The following HTRA1 variants were observed in gnomAD, a reference collection of about 807,000 sequenced individuals.
HTRA1 encodes HtrA serine peptidase 1.
A neutral mutation model predicts 49.7 loss-of-function variants in HTRA1; 26 were observed. The ratio of observed to expected loss-of-function variants is 0.52; its 90% CI spans 0.38 to 0.73. HTRA1 has a LOEUF of 0.73. Among genes scored for constraint, HTRA1 ranks in the 30% least tolerant of loss-of-function variants. The probability of loss-of-function intolerance (pLI) is 0.00; values close to 1 mark genes in which losing one functional copy is unlikely to be tolerated. For missense variants in HTRA1, 561 were observed against 667.2 expected (o/e 0.84, Z 1.75); for synonymous variants, 291 against 286.9 (o/e 1.01, Z -0.14).
rs775165568 is a variant in HTRA1, at chr10:122,489,478, C to T, written c.629C>T (p.Ser210Leu). ...PVASGSGFIV[S>L]EDGLIVTNAH... Reference sequence around the variant, plus strand: ...GCTAGTGGGTCTGGGTTTATTGTGTCGGAAGATGGACTGATCGTGACAAAT... The same window carrying T: ...GCTAGTGGGTCTGGGTTTATTGTGTTGGAAGATGGACTGATCGTGACAAAT... The change falls in exon 3 of 9, where the codon TCG becomes TTG. Residue 210 changes from serine to leucine, a missense_variant. Ser to Leu is a moderately radical substitution (Grantham distance 145). This residue lies in a region of HTRA1 where 271 missense variants were observed against 410.0 expected (regional missense o/e 0.66). Coordinates refer to ENST00000368984, the MANE Select transcript of HTRA1 (RefSeq NM_002775.5). 5.0e-6 allele frequency: 8 copies of T among 1,614,094 alleles called. No homozygotes were observed. The South Asian group carries it at 5.5e-5, about 11-fold the overall frequency.
intron 8 of HTRA1, among the ~76,000 whole-genome samples, chr10:122,513,266 A>G (rs1342076521): frequency 6.6e-6 from 1 of 152,156 alleles, no homozygotes; most frequent in East Asian, 1.9e-4. Context: ...TAACAGAAAC[A>G]TTCCGCCCAC....
At chr10:122,478,583 AG>A (rs1436734550) in intron 1 of HTRA1, among the ~76,000 whole-genome samples, 3 of 151,960 alleles carry the variant, frequency 2.0e-5, no homozygotes, top group African/African-American at 7.2e-5. Flanking sequence ...TAGTAGAGAC[AG>A]GGTTTCACCG....
chr10:122,510,022 C>G, intron 6 of HTRA1, 74 bp from the exon 7 acceptor site: 1 of 1,305,680 alleles, frequency 7.7e-7, no homozygotes, highest in South Asian at 1.2e-5. Context: ...GGGGATTGGG[C>G]CCCCGGCCCC....
At chr10:122,499,282 G>A (rs1591037006) in intron 3 of HTRA1, among the ~76,000 whole-genome samples, 1 of 152,260 alleles carries the variant, frequency 6.6e-6, no homozygotes, top group East Asian at 1.9e-4. Flanking sequence ...AAGTCGTGAG[G>A]CCTCCAGTGT....
chr10:122,496,080 C>A (rs776391930), intron 3 of HTRA1, among the ~76,000 whole-genome samples: 7 of 152,068 alleles, frequency 4.6e-5, no homozygotes, highest in African/African-American at 7.2e-5. Context: ...CAGTGGCAGG[C>A]AATTAACACC....
chr10:122,495,935 CACTT>C (rs1478537450), intron 3 of HTRA1, among the ~76,000 whole-genome samples: 1 of 152,172 alleles, frequency 6.6e-6, no homozygotes, highest in African/African-American at 2.4e-5. Flanking sequence ...TGGTCATGCT[CACTT>C]ATTTAGGTAG....
rs1006159707 is a variant in HTRA1 at position 122,487,848 on chromosome 10, A to G, written c.473-1054A>G. Among the ~76,000 whole-genome samples the G allele has an allele frequency of 2.0e-5, 3 of 152,224 alleles. No individual in the cohort carries two copies. The highest frequency in any genetic ancestry group is 2.1e-4 in the South Asian group (1 of 4,828). Reference sequence around the variant, plus strand: ...GTGTATTCAAACATAGAAAAGGTATAGTAAAAACAATGGTGTTATGGTCCG... The same window carrying G: ...GTGTATTCAAACATAGAAAAGGTATGGTAAAAACAATGGTGTTATGGTCCG... On this transcript the variant is annotated intron_variant, in intron 1 of 8. Coordinates refer to ENST00000368984, the MANE Select transcript of HTRA1 (RefSeq NM_002775.5). The surrounding 1 kb of genome is among the most constrained non-coding windows in gnomAD (Gnocchi z 4.8).
At chr10:122,488,849 A>T in intron 1 of HTRA1, 53 bp from the exon 2 acceptor site, 1 of 1,362,610 alleles carries the variant, frequency 7.3e-7, no homozygotes, top group Non-Finnish European at 1.1e-6. Context: ...GTCTTTCTCT[A>T]GGTGGCCACA....
chr10:122,492,914 G>C (rs2097496620), intron 3 of HTRA1, among the ~76,000 whole-genome samples: 1 of 152,144 alleles, frequency 6.6e-6, no homozygotes, highest in Non-Finnish European at 1.5e-5. Flanking sequence ...TGAAGCTGCT[G>C]TAGCCCCTGC....
intron 7 of HTRA1, among the ~76,000 whole-genome samples, chr10:122,511,755 A>T (rs1241813585): frequency 1.0e-4 from 15 of 149,880 alleles, no homozygotes; most frequent in South Asian, 6.3e-4. Flanking sequence ...ATAAATAAAA[A>T]AAATAAATAA....
intron 1 of HTRA1, among the ~76,000 whole-genome samples, chr10:122,482,372 G>T (rs1260987672): frequency 1.3e-5 from 2 of 152,060 alleles, no homozygotes; most frequent in African/African-American, 4.8e-5. Flanking sequence ...AGTGTGATCT[G>T]ATTTCAAAAC....
chr10:122,464,876 A>G lies in HTRA1; in HGVS notation c.472+2752A>G, dbSNP rs2133907318. On this transcript the variant is annotated intron_variant, in intron 1 of 8. Coordinates refer to ENST00000368984, the MANE Select transcript of HTRA1 (RefSeq NM_002775.5). The surrounding 1 kb of genome is among the most constrained non-coding windows in gnomAD (Gnocchi z 4.8). ...GACATGAGCCTTTTCTAGGGGTGCC[A>G]CTTGACTAGAGGCCTGGAGTTGGAG... Among the ~76,000 whole-genome samples, 1 of 152,330 alleles carries G rather than the reference A, an allele frequency of 6.6e-6. No homozygotes were observed. The highest frequency in any genetic ancestry group is 2.4e-5 in the African/African-American group (1 of 41,586).
chr10:122,473,774 C>A (rs2097487223), intron 1 of HTRA1, among the ~76,000 whole-genome samples: 1 of 152,180 alleles, frequency 6.6e-6, no homozygotes, highest in South Asian at 2.1e-4. Context: ...ACCACCGGTT[C>A]ATTTTCTATT....
At chr10:122,478,607 T>C (rs906134597) in intron 1 of HTRA1, among the ~76,000 whole-genome samples, 2 of 152,056 alleles carry the variant, frequency 1.3e-5, no homozygotes, top group Non-Finnish European at 2.9e-5. Context: ...TTAGCCAGGA[T>C]GGTCTCGATT....
Position 122,489,458 on chromosome 10 carries a change from T to C in HTRA1, c.609T>C (p.Ser203=), listed in dbSNP as rs1406051753. Residue 203 remains serine (S), a synonymous_variant, in exon 3 of 9, where the codon AGT becomes AGC. Transcript: ENST00000368984. ...CTAAACGAGAGGTGCCGGTGGCTAG[T>C]GGGTCTGGGTTTATTGTGTCGGAAG... ...PFSKREVPVA[S]GSGFIVSEDG... is the part of the protein sequence containing the mutation. 2 of 1,614,092 alleles carry C rather than the reference T, an allele frequency of 1.2e-6. No individual in the cohort carries two copies. Among genetic ancestry groups the C allele is most frequent in the South Asian group, 1.1e-5 (1 of 91,086 alleles).
At chr10:122,472,167 C>T (rs544606995) in intron 1 of HTRA1, among the ~76,000 whole-genome samples, 2 of 151,998 alleles carry the variant, frequency 1.3e-5, no homozygotes, top group African/African-American at 4.8e-5. Context: ...CAAGTTTTTC[C>T]TCTCCTAGCA....
Position 122,461,635 on chromosome 10 carries a change from G to C in HTRA1, c.-18G>C. On this transcript the variant is annotated 5_prime_UTR_variant, in exon 1 of 9. Transcript: ENST00000368984. ...CCTCGCCCTGTCCGCCGCCACCGCCGCCGCCGCCAGAGTCGCCATGCAGAT... is the reference window on the plus strand; with the variant it reads ...CCTCGCCCTGTCCGCCGCCACCGCCCCCGCCGCCAGAGTCGCCATGCAGAT... 1 of 1,293,764 alleles carries C rather than the reference G, an allele frequency of 7.7e-7. No homozygotes were observed. Among genetic ancestry groups the C allele is most frequent in the Non-Finnish European group, 1.0e-6 (1 of 1,001,810 alleles). The allele number at this position is 1,293,764 out of a possible 1,614,324, so 80.1% of individuals were successfully genotyped here. A position where few individuals can be genotyped will look rare whatever the true frequency, so the allele number is the denominator to read the frequency against.
chr10:122,471,240 C>T (rs1447931433), intron 1 of HTRA1, among the ~76,000 whole-genome samples: 1 of 152,150 alleles, frequency 6.6e-6, no homozygotes, highest in Non-Finnish European at 1.5e-5. Context: ...TTTAGCCCCA[C>T]TGGATGAAAC....
At chr10:122,484,740 C>T (rs933042035) in intron 1 of HTRA1, among the ~76,000 whole-genome samples, 3 of 152,194 alleles carry the variant, frequency 2.0e-5, no homozygotes, top group Non-Finnish European at 2.9e-5. Flanking sequence ...GTAACATGTC[C>T]AAGGCCACAC....
Sources: gnomAD v4.1 joint callset for allele counts (sites outside exome capture counted in the v4.1 genomes callset) on GRCh38, gnomAD v4.1.1 for gene constraint, gnomAD v4.1.1 regional missense constraint, Gnocchi (gnomAD v3.1) non-coding constraint, MANE v1.5 for transcripts, NCBI Gene and HGNC (gene_info 2026-07-23, HGNC 2026-07-21) for gene names.